Variants in XRCC5 observed in about 807,000 individuals in gnomAD.
XRCC5 encodes X-ray repair cross complementing 5, also known as DNA repair protein Ku80.
In XRCC5, 12 loss-of-function variants were observed where a neutral mutation model predicts 95.7. The observed-to-expected ratio is 0.13, with a 90% CI of 0.08 to 0.20. XRCC5 has a LOEUF of 0.20. XRCC5 is among the 10% of genes least tolerant of loss of function. XRCC5 has a pLI of 1.00. For synonymous variants in XRCC5, 281 were observed against 290.3 expected, an observed-to-expected ratio of 0.97 and a Z score of 0.33; for missense variants, 595 against 873.9, an observed-to-expected ratio of 0.68 and a Z score of 4.02.
At chr2:216,201,343 G>T (rs1195174666) in intron 19 of XRCC5, among the ~76,000 whole-genome samples, 1 of 152,168 alleles carries the variant, frequency 6.6e-6, no homozygotes, top group Non-Finnish European at 1.5e-5. Context: ...TCACCTGATG[G>T]TGTTGGAAAC....
At chr2:216,176,876 A>G (rs933384372) in intron 16 of XRCC5, among the ~76,000 whole-genome samples, 8 of 152,234 alleles carry the variant, frequency 5.3e-5, no homozygotes, top group African/African-American at 1.9e-4. Context: ...TTAGCTTCAC[A>G]CCATAAATTG....
intron 19 of XRCC5, among the ~76,000 whole-genome samples, chr2:216,200,406 A>G (rs1689814496): frequency 6.6e-6 from 1 of 152,130 alleles, no homozygotes; most frequent in Non-Finnish European, 1.5e-5. Flanking sequence ...TTCTGCTTTC[A>G]TTTTCTGCCT....
At position 216,137,069 on chromosome 2, in the gene XRCC5, C is replaced by T. The variant is rs376207725; in HGVS notation, c.1114-19C>T. 2 of 1,610,336 alleles carry T rather than the reference C, an allele frequency of 1.2e-6. No individual in the cohort carries two copies. Among genetic ancestry groups the T allele is most frequent in the African/African-American group, 1.3e-5 (1 of 74,914 alleles). On this transcript the variant is annotated intron_variant, in intron 10 of 20. Transcript: ENST00000392132. ...CTCACATGTTGAATATGTGTTAATA[C>T]ATCCATCTTTCTTACCAGGCAGCTG...
chr2:216,139,468 C>T (rs1221718679), intron 12 of XRCC5, among the ~76,000 whole-genome samples: 1 of 152,078 alleles, frequency 6.6e-6, no homozygotes, highest in African/African-American at 2.4e-5. Context: ...GACTTATTCA[C>T]TATCATGAGA....
intron 16 of XRCC5, among the ~76,000 whole-genome samples, chr2:216,176,890 T>C (rs1006795200): frequency 6.6e-6 from 1 of 152,230 alleles, no homozygotes. Context: ...TAAATTGCGA[T>C]GTGTTATGAT....
intron 6 of XRCC5, 44 bp downstream of exon 6, chr2:216,122,297 G>A (rs376248928): frequency 9.0e-6 from 14 of 1,548,434 alleles, no homozygotes; most frequent in African/African-American, 6.8e-5. Flanking sequence ...TTGTACCCAC[G>A]TAAATTTCTC....
At chr2:216,152,519 C>T (rs1453509155) in intron 14 of XRCC5, among the ~76,000 whole-genome samples, 1 of 151,966 alleles carries the variant, frequency 6.6e-6, no homozygotes, top group East Asian at 1.9e-4. Context: ...TTTTGTGGCC[C>T]ATCTTATCTC....
At chr2:216,161,241 T>A (rs1454841103) in intron 15 of XRCC5, among the ~76,000 whole-genome samples, 1 of 152,208 alleles carries the variant, frequency 6.6e-6, no homozygotes, top group Non-Finnish European at 1.5e-5. Context: ...CTGCTTCCTA[T>A]ATCCAAGCAA....
At chr2:216,192,573 TG>T in intron 17 of XRCC5, 65 bp from the exon 18 acceptor site, 2 of 1,124,420 alleles carry the variant, frequency 1.8e-6, no homozygotes, top group South Asian at 1.6e-5. Flanking sequence ...TTGTTTGGTC[TG>T]GGGTGAATTT....
At chr2:216,172,256 G>T (rs1689178065) in intron 16 of XRCC5, among the ~76,000 whole-genome samples, 3 of 152,110 alleles carry the variant, frequency 2.0e-5, no homozygotes, top group African/African-American at 7.2e-5. Flanking sequence ...AGCTAGCAAT[G>T]CAGTGGAGTG....
intron 14 of XRCC5, among the ~76,000 whole-genome samples, chr2:216,149,877 A>T (rs1032244115): frequency 1.3e-5 from 2 of 152,182 alleles, no homozygotes; most frequent in Non-Finnish European, 2.9e-5. Context: ...AGCATAGCTA[A>T]GTTAATCTTG....
intron 10 of XRCC5, among the ~76,000 whole-genome samples, chr2:216,134,680 C>A (rs1010955625): frequency 1.1e-4 from 17 of 151,476 alleles, no homozygotes; most frequent in South Asian, 2.1e-4. Context: ...CCACCCCCCC[C>A]CCTCCTCGGC....
chr2:216,157,055 A>G (rs1196831532), intron 14 of XRCC5, among the ~76,000 whole-genome samples: 3 of 152,172 alleles, frequency 2.0e-5, no homozygotes, highest in African/African-American at 7.2e-5. Flanking sequence ...GTGCCCAGCA[A>G]CAAAGCCACC....
At chr2:216,131,028 T>A in intron 9 of XRCC5, 41 bp downstream of exon 9, 1 of 1,527,754 alleles carries the variant, frequency 6.5e-7, no homozygotes, top group East Asian at 2.3e-5. Flanking sequence ...TTCCTAGCTG[T>A]TATTTGAAAT....
intron 6 of XRCC5, among the ~76,000 whole-genome samples, chr2:216,124,991 C>T (rs1262215060): frequency 6.6e-6 from 1 of 152,206 alleles, no homozygotes; most frequent in Non-Finnish European, 1.5e-5. Flanking sequence ...CTAGAGTTAA[C>T]GTGCTTTACC....
chr2:216,152,102 C>G (rs1688755800), intron 14 of XRCC5, among the ~76,000 whole-genome samples: 1 of 152,126 alleles, frequency 6.6e-6, no homozygotes. Context: ...CATTCACTTC[C>G]CACCCGCTCT....
intron 2 of XRCC5, among the ~76,000 whole-genome samples, chr2:216,115,654 A>C (rs1053087803): frequency 6.7e-6 from 1 of 148,486 alleles, no homozygotes; most frequent in Non-Finnish European, 1.5e-5. Flanking sequence ...GCTTATGTTA[A>C]TAATTAGACA....
At chr2:216,111,218 A>C (rs1696584898) in intron 1 of XRCC5, among the ~76,000 whole-genome samples, 1 of 152,168 alleles carries the variant, frequency 6.6e-6, no homozygotes, top group Non-Finnish European at 1.5e-5. Flanking sequence ...TTTATACAAC[A>C]GTTGTCAAAT....
In XRCC5 at chr2:216,122,189, A is replaced by G. The variant is rs1238303294; in HGVS notation, c.619A>G (p.Ile207Val). The G allele has an allele frequency of 1.9e-6, 3 of 1,613,926 alleles. No homozygotes were observed. The highest frequency in any genetic ancestry group is 2.5e-6 in the Non-Finnish European group (3 of 1,179,980). ...CGAACAGCAAAAAGAAGGTCTTGAGATAGTGAAAATGGTGATGATATCTTT... is the reference window on the plus strand; with the variant it reads ...CGAACAGCAAAAAGAAGGTCTTGAGGTAGTGAAAATGGTGATGATATCTTT... ...ITEQQKEGLE[I>V]VKMVMISLEG... The change falls in exon 6 of 21, where the codon ATA (isoleucine) becomes GTA (valine). Residue 207 changes from isoleucine to valine, a missense_variant. This residue lies in a region of XRCC5 where 286 missense variants were observed against 491.1 expected (regional missense o/e 0.58). Transcript: ENST00000392132.
Sources: gnomAD v4.1 joint callset for allele counts (sites outside exome capture counted in the v4.1 genomes callset) on GRCh38, gnomAD v4.1.1 for gene constraint, gnomAD v4.1.1 regional missense constraint, MANE v1.5 for transcripts, NCBI Gene and HGNC (gene_info 2026-07-23, HGNC 2026-07-21) for gene names.